The following ZNF487 variants were observed in gnomAD, a reference collection of about 807,000 sequenced individuals.
ZNF487 encodes the protein zinc finger protein 487, also known as KRAB domain only 1.
ZNF487 carries 4 observed loss-of-function variants against 3.0 expected under a neutral mutation model. The observed-to-expected ratio is 1.35, with a 90% confidence interval of 0.66 to 3.08. ZNF487 has a LOEUF of 3.08. Among genes scored for constraint, ZNF487 ranks in the 30% most tolerant of loss-of-function variants. ZNF487 has a pLI of 0.01. For missense variants in ZNF487, 146 were observed against 98.7 expected, an observed-to-expected ratio of 1.48 and a Z score of -2.03; for synonymous variants, 55 against 34.6, an observed-to-expected ratio of 1.59 and a Z score of -2.06.
At chr10:43,522,764 A>G in the ZNF487 span, among the ~76,000 whole-genome samples, 2 of 152,148 alleles carry the variant, frequency 1.3e-5, no homozygotes, top group South Asian at 4.1e-4. Context: ...ATAAAAACAA[A>G]GAAAAGAATT....
At chr10:43,448,886 C>G (rs1421309709) in intron 1 of ZNF487, among the ~76,000 whole-genome samples, 11 of 150,914 alleles carry the variant, frequency 7.3e-5, no homozygotes, top group Non-Finnish European at 1.5e-5. Context: ...GTCCCAGCTA[C>G]TGGAGAGGAT....
intron 1 of ZNF487, among the ~76,000 whole-genome samples, chr10:43,443,309 C>T (rs1564411236): frequency 1.3e-5 from 2 of 151,294 alleles, no homozygotes; most frequent in Non-Finnish European, 2.9e-5. Context: ...GGTGATCCAC[C>T]CACCTTGGCC....
At chr10:43,450,422 G>A (rs1380647017) in intron 1 of ZNF487, among the ~76,000 whole-genome samples, 3 of 151,796 alleles carry the variant, frequency 2.0e-5, no homozygotes, top group East Asian at 1.9e-4. Flanking sequence ...GTGAGATATC[G>A]GCTCACCACA....
chr10:43,490,806 C>T, the ZNF487 span, among the ~76,000 whole-genome samples: 2 of 150,660 alleles, frequency 1.3e-5, no homozygotes, highest in Admixed American at 1.3e-4. Context: ...TCCTGAGTAG[C>T]TGGGATTACA....
At chr10:43,474,444 A>G (rs1432112383) in intron 1 of ZNF487, among the ~76,000 whole-genome samples, 2 of 151,346 alleles carry the variant, frequency 1.3e-5, no homozygotes, top group Non-Finnish European at 2.9e-5. Flanking sequence ...ACATGCCTGG[A>G]GCCCCATGTA....
intron 1 of ZNF487, among the ~76,000 whole-genome samples, chr10:43,474,160 CAA>C (rs111998607): frequency 7.0e-6 from 1 of 142,518 alleles, no homozygotes. Flanking sequence ...GACCGTGTTT[CAA>C]AAAAAAAAAA....
At chr10:43,463,402 G>A (rs995412273) in intron 1 of ZNF487, among the ~76,000 whole-genome samples, 3 of 151,802 alleles carry the variant, frequency 2.0e-5, no homozygotes, top group Non-Finnish European at 2.9e-5. Flanking sequence ...GCCAGGCGTG[G>A]TGGTGCACAC....
the ZNF487 span, among the ~76,000 whole-genome samples, chr10:43,509,481 ATC>A: frequency 6.8e-6 from 1 of 146,516 alleles, no homozygotes; most frequent in Non-Finnish European, 1.5e-5. Flanking sequence ...ATATATATAT[ATC>A]ATGGGAGTTT....
At chr10:43,466,022 C>A (rs922316892) in intron 1 of ZNF487, among the ~76,000 whole-genome samples, 1 of 152,184 alleles carries the variant, frequency 6.6e-6, no homozygotes, top group Admixed American at 6.5e-5. Flanking sequence ...CCCGTCTCCA[C>A]CAAAAAAATA....
chr10:43,442,945 G>T (rs1387807012), intron 1 of ZNF487, among the ~76,000 whole-genome samples: 1 of 151,408 alleles, frequency 6.6e-6, no homozygotes, highest in Non-Finnish European at 1.5e-5. Flanking sequence ...ATTACAAATG[G>T]TATTTTATTT....
In ZNF487 at chr10:43,480,008, T is replaced by G. The variant is rs1478898655; in HGVS notation, c.131-1421T>G. ...CCTTCTTTCTTTCTTTCTTTCTTTC[T>G]TTCTTTCTTTCTTTCTTTCTTTCTT... On this transcript the variant is annotated intron_variant, in intron 3 of 3. Coordinates refer to ENST00000437590, the MANE Select transcript of ZNF487 (RefSeq NM_001355444.3). 3.5e-4 allele frequency among the ~76,000 whole-genome samples: 26 copies of G among 73,512 alleles called. 1 individual carries two copies. Among genetic ancestry groups the G allele is most frequent in the Admixed American group, 8.5e-4 (5 of 5,878 alleles). The allele number at this position is 73,512 out of a possible 152,430, so 48.2% of individuals were successfully genotyped here. A position where few individuals can be genotyped will look rare whatever the true frequency, so the allele number is the denominator to read the frequency against.
At chr10:43,476,267 C>T in intron 3 of ZNF487, 65 bp downstream of exon 3, 1 of 666,480 alleles carries the variant, frequency 1.5e-6, no homozygotes, top group Non-Finnish European at 2.7e-6. Context: ...GGAGATACTT[C>T]ACATATTGAC....
chr10:43,509,229 G>A, the ZNF487 span, among the ~76,000 whole-genome samples: 1 of 151,578 alleles, frequency 6.6e-6, no homozygotes, highest in Non-Finnish European at 1.5e-5. Context: ...GTATGAAGGG[G>A]TGATTATCCC....
At chr10:43,443,219 C>T (rs1245231449) in intron 1 of ZNF487, among the ~76,000 whole-genome samples, 8 of 151,546 alleles carry the variant, frequency 5.3e-5, no homozygotes, top group Admixed American at 2.0e-4. Flanking sequence ...CCCGCCACCA[C>T]GCCTGGCTAA....
At chr10:43,437,508 G>T (rs958072580) in intron 1 of ZNF487, among the ~76,000 whole-genome samples, 1 of 152,120 alleles carries the variant, frequency 6.6e-6, no homozygotes, top group Non-Finnish European at 1.5e-5. Context: ...TCTGGGCAGG[G>T]ATATTGGGAG....
At chr10:43,458,824 G>A (rs1840314989) in intron 1 of ZNF487, among the ~76,000 whole-genome samples, 1 of 151,888 alleles carries the variant, frequency 6.6e-6, no homozygotes, top group South Asian at 2.1e-4. Flanking sequence ...TCTTTCTGAT[G>A]GTCCTGCTTG....
Position 43,479,971 on chromosome 10 carries a change from T to TTTCTTTTC in ZNF487, c.131-1456_131-1455insCTTTTCTT, listed in dbSNP as rs1184173278. 4.6e-3 allele frequency among the ~76,000 whole-genome samples: 576 copies of TTTCTTTTC among 125,176 alleles called. 15 individuals carry two copies. Among genetic ancestry groups the TTTCTTTTC allele is most frequent in the East Asian group, 0.023 (95 of 4,184 alleles). The allele number at this position is 125,176 out of a possible 152,430, so 82.1% of individuals were successfully genotyped here. On this transcript the variant is annotated intron_variant, in intron 3 of 3. Transcript: ENST00000437590. ...GCACCTGACTCTCTTTCTTTCTTTC[T>TTTCTTTTC]TTTCTTTCTTTCCTTCTTTCTTTCT...
chr10:43,482,575 C>T lies in ZNF487; in HGVS notation c.*653C>T, dbSNP rs1307960206. 5.9e-6 allele frequency: 3 copies of T among 509,522 alleles called. No individual in the cohort carries two copies. The highest frequency in any genetic ancestry group is 1.5e-5 in the South Asian group (1 of 68,486). The allele number at this position is 509,522 out of a possible 1,614,324, so 31.6% of individuals were successfully genotyped here. ...CAGAGAACACACACAGGAGAGAAACCCTATGGATGTAATGAATGTCAGAAA... is the reference window on the plus strand; with the variant it reads ...CAGAGAACACACACAGGAGAGAAACTCTATGGATGTAATGAATGTCAGAAA... On this transcript the variant is annotated 3_prime_UTR_variant, in exon 4 of 4. Coordinates refer to ENST00000437590, the MANE Select transcript of ZNF487 (RefSeq NM_001355444.3).
the ZNF487 span, among the ~76,000 whole-genome samples, chr10:43,506,999 G>A: frequency 2.0e-5 from 3 of 152,172 alleles, no homozygotes; most frequent in African/African-American, 7.2e-5. Flanking sequence ...TTGCTGGTGG[G>A]CTTGTGCTTT....
Sources: gnomAD v4.1 joint callset for allele counts (sites outside exome capture counted in the v4.1 genomes callset) on GRCh38, gnomAD v4.1.1 for gene constraint, MANE v1.5 for transcripts, NCBI Gene and HGNC (gene_info 2026-07-23, HGNC 2026-07-21) for gene names.